RGS6: variants seen among roughly 807,000 people sequenced by gnomAD.
RGS6 encodes regulator of G-protein signaling 6.
Under a neutral mutation model 78.5 loss-of-function variants are expected in RGS6, and 30 were observed. That is an observed-to-expected ratio of 0.38 (90% CI 0.29 to 0.52). RGS6 has a LOEUF of 0.52. RGS6 is among the 20% of genes least tolerant of loss of function. The pLI is 0.85. For missense variants in RGS6, 495 were observed against 609.7 expected (o/e 0.81, Z 1.98); for synonymous variants, 206 against 206.0 (o/e 1.00, Z 0.00).
At position 72,562,511 on chromosome 14, in the gene RGS6, A is replaced by C. The variant is rs1300013846; in HGVS notation, c.*44A>C. Reference sequence around the variant, plus strand: ...CAGGGCCTGGGCCCGCGGACCCCACAGGCAGGCGGCGGCGCTCCACATCTG... The same window carrying C: ...CAGGGCCTGGGCCCGCGGACCCCACCGGCAGGCGGCGGCGCTCCACATCTG... On this transcript the variant is annotated 3_prime_UTR_variant, in exon 18 of 18. Transcript: ENST00000553525. The C allele has an allele frequency of 6.2e-7, 1 of 1,607,716 alleles. No homozygotes were observed. Among genetic ancestry groups the C allele is most frequent in the Non-Finnish European group, 8.5e-7 (1 of 1,179,668 alleles).
chr14:71,943,472 G>A (rs28429345), intron 1 of RGS6, among the ~76,000 whole-genome samples: 2,780 of 152,220 alleles, frequency 0.018, 97 homozygotes, highest in African/African-American at 0.064. Flanking sequence ...TGTTCCTGAG[G>A]CATTGCTGTG....
At chr14:71,984,454 G>A (rs1360383240) in intron 2 of RGS6, among the ~76,000 whole-genome samples, 5 of 138,544 alleles carry the variant, frequency 3.6e-5, no homozygotes, top group African/African-American at 5.4e-5. Context: ...AGACCAGCCC[G>A]TGCAATATAG....
intron 12 of RGS6, among the ~76,000 whole-genome samples, chr14:72,489,532 T>G (rs2096548212): frequency 6.6e-6 from 1 of 152,206 alleles, no homozygotes. Context: ...GATATCTACA[T>G]AAATCATTAT....
At chr14:72,392,167 T>C (rs28439943) in intron 3 of RGS6, among the ~76,000 whole-genome samples, 5,714 of 151,174 alleles carry the variant, frequency 0.038, 452 homozygotes, top group East Asian at 0.35. Flanking sequence ...GACAAATATA[T>C]ATATACACAT....
chr14:72,547,019 G>A (rs771166483), intron 17 of RGS6: 1 of 674,242 alleles, frequency 1.5e-6, no homozygotes, highest in Non-Finnish European at 2.5e-6. Context: ...TGCCATCCTC[G>A]TGCAGCCACA....
chr14:71,886,419 T>A, the RGS6 span, among the ~76,000 whole-genome samples: 1 of 150,992 alleles, frequency 6.6e-6, no homozygotes, highest in East Asian at 1.9e-4. Context: ...ACTGACTGAA[T>A]GAATGAATAT....
chr14:72,562,348 T>C, intron 17 of RGS6, 69 bp from the exon 18 acceptor site: 1 of 1,495,046 alleles, frequency 6.7e-7, no homozygotes, highest in African/African-American at 1.4e-5. Flanking sequence ...AATTCACCTG[T>C]CTGGCTCTCT....
At chr14:71,910,061 G>A in the RGS6 span, among the ~76,000 whole-genome samples, 15 of 152,038 alleles carry the variant, frequency 9.9e-5, no homozygotes, top group East Asian at 3.9e-4. Context: ...GTGGTGGCAC[G>A]CGCCTGGAAT....
chr14:72,063,536 T>C (rs1284543908), intron 2 of RGS6, among the ~76,000 whole-genome samples: 1 of 152,098 alleles, frequency 6.6e-6, no homozygotes, highest in Non-Finnish European at 1.5e-5. Flanking sequence ...ATTTTTGCTG[T>C]GGGGTGAGAG....
intron 2 of RGS6, among the ~76,000 whole-genome samples, chr14:72,348,193 C>A (rs2078429649): frequency 6.6e-6 from 1 of 152,090 alleles, no homozygotes; most frequent in African/African-American, 2.4e-5. Context: ...CCAAGGTTTT[C>A]TAAAAGTCTG....
At chr14:71,982,008 G>C (rs925448070) in intron 2 of RGS6, among the ~76,000 whole-genome samples, 4 of 152,070 alleles carry the variant, frequency 2.6e-5, no homozygotes, top group Admixed American at 6.6e-5. Flanking sequence ...TTTTAAGCCC[G>C]TCGGAAAAGC....
chr14:72,179,785 T>C (rs1357990297), intron 2 of RGS6, among the ~76,000 whole-genome samples: 1 of 152,032 alleles, frequency 6.6e-6, no homozygotes, highest in African/African-American at 2.4e-5. Flanking sequence ...GGGCATCACC[T>C]GGGAACTTGT....
At chr14:71,991,718 T>C (rs1458957001) in intron 2 of RGS6, among the ~76,000 whole-genome samples, 2 of 152,232 alleles carry the variant, frequency 1.3e-5, no homozygotes, top group African/African-American at 4.8e-5. Flanking sequence ...TTACTGTACT[T>C]GCTGTTGGGA....
chr14:72,059,499 A>G (rs1189726097), intron 2 of RGS6, among the ~76,000 whole-genome samples: 1 of 152,186 alleles, frequency 6.6e-6, no homozygotes, highest in Non-Finnish European at 1.5e-5. Flanking sequence ...AACAGGTACC[A>G]TATGGTAACT....
chr14:72,412,960 C>T (rs2093535683), intron 3 of RGS6, among the ~76,000 whole-genome samples: 1 of 152,146 alleles, frequency 6.6e-6, no homozygotes, highest in African/African-American at 2.4e-5. Context: ...TATTCTTTTA[C>T]ATTTGCTGAG....
At chr14:72,144,932 G>T (rs1314199268) in intron 2 of RGS6, among the ~76,000 whole-genome samples, 1 of 152,140 alleles carries the variant, frequency 6.6e-6, no homozygotes, top group Non-Finnish European at 1.5e-5. Context: ...TCAGGGATCA[G>T]AGTTTTTAAA....
chr14:72,307,564 A>G (rs2067544518), intron 2 of RGS6, among the ~76,000 whole-genome samples: 1 of 152,186 alleles, frequency 6.6e-6, no homozygotes, highest in South Asian at 2.1e-4. Flanking sequence ...TTTATCAAAT[A>G]CTGAGAGACT....
chr14:71,892,045 A>C, the RGS6 span, among the ~76,000 whole-genome samples: 2 of 152,214 alleles, frequency 1.3e-5, no homozygotes, highest in African/African-American at 4.8e-5. Flanking sequence ...TAGCTTTCAC[A>C]TGACTTCATT....
intron 3 of RGS6, among the ~76,000 whole-genome samples, chr14:72,425,482 C>A (rs2094396349): frequency 6.6e-6 from 1 of 152,198 alleles, no homozygotes; most frequent in African/African-American, 2.4e-5. Flanking sequence ...TAAACTGTTA[C>A]ATCCTTAATA....
Sources: allele counts gnomAD v4.1 joint callset (sites outside exome capture counted in the v4.1 genomes callset), GRCh38; gene constraint gnomAD v4.1.1; transcripts MANE v1.5; gene names NCBI Gene and HGNC (gene_info 2026-07-23, HGNC 2026-07-21).